The following GAS2 variants were observed in gnomAD, a reference collection of about 807,000 sequenced individuals.
GAS2 encodes the protein growth arrest specific 2, also known as growth arrest-specific protein 2.
A neutral mutation model predicts 37.5 loss-of-function variants in GAS2; 20 were observed. That is an observed-to-expected ratio of 0.53 (90% confidence interval 0.37 to 0.77). The LOEUF is 0.77. Among genes scored for constraint, GAS2 ranks in the 30% least tolerant of loss-of-function variants. GAS2 has a pLI of 0.00. For synonymous variants in GAS2, 144 were observed against 132.2 expected, an observed-to-expected ratio of 1.09 and a Z score of -0.61; for missense variants, 336 against 373.4, an observed-to-expected ratio of 0.90 and a Z score of 0.82.
intron 5 of GAS2, among the ~76,000 whole-genome samples, chr11:22,738,900 T>C (rs1268073719): frequency 1.3e-5 from 2 of 152,210 alleles, no homozygotes; most frequent in Non-Finnish European, 2.9e-5. Context: ...GTTTTTCAAT[T>C]CAAATTAAAT....
At chr11:22,688,751 G>C (rs950911219) in intron 3 of GAS2, among the ~76,000 whole-genome samples, 2 of 151,946 alleles carry the variant, frequency 1.3e-5, no homozygotes, top group Non-Finnish European at 2.9e-5. Flanking sequence ...TGTGATAAAG[G>C]TTTTAGTATA....
chr11:22,674,221 T>A (rs111482944), intron 1 of GAS2, among the ~76,000 whole-genome samples: 14 of 152,130 alleles, frequency 9.2e-5, no homozygotes, highest in South Asian at 8.3e-4. Context: ...TTTTATTTTT[T>A]TTTTTTATTT....
chr11:22,784,647 A>G (rs1174624844), intron 7 of GAS2, among the ~76,000 whole-genome samples: 2 of 152,144 alleles, frequency 1.3e-5, no homozygotes, highest in Admixed American at 6.6e-5. Flanking sequence ...GTTTTTTACC[A>G]TCCTATGCAC....
At chr11:22,713,953 A>G (rs1851537881) in intron 3 of GAS2, among the ~76,000 whole-genome samples, 1 of 152,168 alleles carries the variant, frequency 6.6e-6, no homozygotes, top group Non-Finnish European at 1.5e-5. Flanking sequence ...ACAATGAGAA[A>G]CAATAACACA....
chr11:22,761,009 C>T (rs990136472), intron 7 of GAS2, among the ~76,000 whole-genome samples: 14 of 152,044 alleles, frequency 9.2e-5, no homozygotes, highest in African/African-American at 3.4e-4. Context: ...AGAATTTTTG[C>T]ATATTGTTGT....
chr11:22,673,028 T>C (rs1342745261), intron 1 of GAS2, among the ~76,000 whole-genome samples: 1 of 152,176 alleles, frequency 6.6e-6, no homozygotes, highest in Non-Finnish European at 1.5e-5. Flanking sequence ...TAGATAGATA[T>C]ATATAAGATG....
At chr11:22,715,460 C>CAAAAAAAAAAAAAAAAA (rs1192862614) in intron 3 of GAS2, among the ~76,000 whole-genome samples, 10 of 41,734 alleles carry the variant, frequency 2.4e-4, no homozygotes, top group East Asian at 8.1e-4. Context: ...GACTCTGTCT[C>CAAAAAAAAAAAAAAAAA]AAAAAAAAAA....
chr11:22,646,554 A>G (rs923377461), intron 1 of GAS2, among the ~76,000 whole-genome samples: 2 of 152,222 alleles, frequency 1.3e-5, no homozygotes, highest in African/African-American at 4.8e-5. Context: ...CCCAGATGAC[A>G]GGGAGTTGTA....
intron 1 of GAS2, among the ~76,000 whole-genome samples, chr11:22,645,234 G>A (rs2133822599): frequency 6.6e-6 from 1 of 152,184 alleles, no homozygotes; most frequent in East Asian, 1.9e-4. Flanking sequence ...ATATGGCCGG[G>A]TGGGGTGGCT....
intron 7 of GAS2, among the ~76,000 whole-genome samples, chr11:22,769,600 A>G (rs1325813870): frequency 6.6e-6 from 1 of 152,240 alleles, no homozygotes; most frequent in African/African-American, 2.4e-5. Flanking sequence ...TACAGCTATA[A>G]TACTATCTAA....
chr11:22,683,744 A>T (rs1264928308), intron 2 of GAS2, among the ~76,000 whole-genome samples: 1 of 151,300 alleles, frequency 6.6e-6, no homozygotes, highest in Admixed American at 6.6e-5. Flanking sequence ...CTAGCAGCTT[A>T]TTTCTTCATT....
chr11:22,644,776 C>A (rs889567041), intron 1 of GAS2, among the ~76,000 whole-genome samples: 6 of 152,086 alleles, frequency 3.9e-5, no homozygotes, highest in Admixed American at 2.6e-4. Context: ...CATGCACCAC[C>A]ACACCTGGAT....
intron 1 of GAS2, among the ~76,000 whole-genome samples, chr11:22,649,086 G>T (rs1460123279): frequency 6.6e-6 from 1 of 152,084 alleles, no homozygotes; most frequent in Non-Finnish European, 1.5e-5. Flanking sequence ...TTTGAAATAC[G>T]TCCCATCAAT....
chr11:22,775,264 C>T (rs139368382), intron 7 of GAS2, among the ~76,000 whole-genome samples: 12 of 152,242 alleles, frequency 7.9e-5, no homozygotes, highest in African/African-American at 2.4e-4. Flanking sequence ...AGTTGGAGGA[C>T]GAGCATTCCA....
At chr11:22,760,948 C>T (rs148802139) in intron 7 of GAS2, among the ~76,000 whole-genome samples, 82 of 152,178 alleles carry the variant, frequency 5.4e-4, no homozygotes, top group African/African-American at 1.8e-3. Flanking sequence ...TCCTATCTTC[C>T]GGAAAATGGT....
At chr11:22,667,917 A>G (rs1849047796) in intron 1 of GAS2, among the ~76,000 whole-genome samples, 1 of 152,200 alleles carries the variant, frequency 6.6e-6, no homozygotes, top group Admixed American at 6.5e-5. Context: ...TTATTCTTAT[A>G]AAATTATCTC....
chr11:22,728,778 A>G (rs1167259476), intron 4 of GAS2, among the ~76,000 whole-genome samples: 2 of 151,896 alleles, frequency 1.3e-5, no homozygotes, highest in African/African-American at 4.8e-5. Flanking sequence ...AGGATTAGTC[A>G]GAGAAAGGAA....
chr11:22,639,631 A>G (rs552333716), intron 1 of GAS2, among the ~76,000 whole-genome samples: 13 of 152,266 alleles, frequency 8.5e-5, no homozygotes, highest in African/African-American at 2.6e-4. Context: ...TTAGGTTTTC[A>G]GTCGTGCATC....
upstream of GAS2, among the ~76,000 whole-genome samples, chr11:22,664,600 A>G (rs1012151688): frequency 6.6e-6 from 1 of 152,142 alleles, no homozygotes; most frequent in African/African-American, 2.4e-5. Context: ...CTTCCTTTGC[A>G]TTCACATTAG....
Sources: allele counts gnomAD v4.1 joint callset (sites outside exome capture counted in the v4.1 genomes callset), GRCh38; gene constraint gnomAD v4.1.1; transcripts MANE v1.5; gene names NCBI Gene and HGNC (gene_info 2026-07-23, HGNC 2026-07-21).